ELP1: variants seen among roughly 807,000 people sequenced by gnomAD.
The protein encoded by ELP1 is elongator complex protein 1.
ELP1 carries 131 observed loss-of-function variants against 183.2 expected under a neutral mutation model. The observed-to-expected ratio is 0.72, with a 90% CI of 0.62 to 0.83. ELP1 has a LOEUF of 0.83. Among genes scored for constraint, ELP1 ranks in the 40% least tolerant of loss-of-function variants. ELP1 has a pLI of 0.00. For synonymous variants in ELP1, 555 were observed against 569.0 expected, an observed-to-expected ratio of 0.98 and a Z score of 0.35; for missense variants, 1,550 against 1,594.9, an observed-to-expected ratio of 0.97 and a Z score of 0.48.
Position 108,894,020 on chromosome 9 carries a change from T to G in ELP1, c.2783A>C (p.Glu928Ala). ...TATAGTAAACCGCTGATAATTAGTT[T>G]CCATTTTCTTAAGTGTATTAAGAAA... ...LPFLNTLKKM[E>A]TNYQRFTIDK... is the part of the protein sequence containing the mutation. Residue 928 changes from glutamate (E) to alanine (A), a missense_variant, in exon 26 of 37, where the codon GAA (glutamate) becomes GCA (alanine). Coordinates refer to ENST00000374647, the MANE Select transcript of ELP1 (RefSeq NM_003640.5). 1 of 1,585,390 alleles carries G rather than the reference T, an allele frequency of 6.3e-7. No homozygotes were observed. Among genetic ancestry groups the G allele is most frequent in the South Asian group, 1.1e-5 (1 of 90,390 alleles).
chr9:108,921,999 A>G (rs1175172716), intron 6 of ELP1, among the ~76,000 whole-genome samples: 1 of 152,168 alleles, frequency 6.6e-6, no homozygotes, highest in Non-Finnish European at 1.5e-5. Flanking sequence ...GAGGCTCAGA[A>G]ACATTAGGAA....
chr9:108,888,011 A>G (rs1389224908), intron 29 of ELP1, among the ~76,000 whole-genome samples: 1 of 152,232 alleles, frequency 6.6e-6, no homozygotes, highest in African/African-American at 2.4e-5. Flanking sequence ...CCCCAAACTG[A>G]AAACAATCCA....
intron 13 of ELP1, among the ~76,000 whole-genome samples, chr9:108,907,056 T>C (rs998311941): frequency 6.6e-6 from 1 of 152,150 alleles, no homozygotes; most frequent in Non-Finnish European, 1.5e-5. Flanking sequence ...ACTGAAGAAG[T>C]TGGTCACTAG....
intron 10 of ELP1, among the ~76,000 whole-genome samples, chr9:108,912,781 G>A (rs1262276618): frequency 7.3e-6 from 1 of 137,118 alleles, no homozygotes; most frequent in Non-Finnish European, 1.5e-5. Flanking sequence ...TTGACACAGA[G>A]TCTCGCTCTG....
intron 36 of ELP1, among the ~76,000 whole-genome samples, chr9:108,871,054 T>C (rs943849896): frequency 1.4e-5 from 2 of 147,318 alleles, no homozygotes; most frequent in African/African-American, 2.5e-5. Context: ...GCCTGTGAAG[T>C]CATGCACATC....
Position 108,878,083 on chromosome 9 carries a change from T to C in ELP1, c.3767A>G (p.Gln1256Arg), listed in dbSNP as rs766517046. Residue 1256 changes from glutamine to arginine, a missense_variant, in exon 35 of 37, where the codon CAG (glutamine) becomes CGG (arginine). By Grantham distance (43) the Gln-to-Arg change is conservative (BLOSUM62 1). Coordinates refer to ENST00000374647, the MANE Select transcript of ELP1 (RefSeq NM_003640.5). ...FEFDEQGREL[Q>R]KAFEDTLQLM... ...CTGCAGCGTATCTTCAAAGGCCTTC[T>C]GTAATTCCCTTCCTTGTTCATCAAA... The C allele has an allele frequency of 2.1e-5, 34 of 1,613,438 alleles. No individual in the cohort carries two copies. Among genetic ancestry groups the C allele is most frequent in the Non-Finnish European group, 2.7e-5 (32 of 1,179,308 alleles).
At chr9:108,871,026 T>A (rs1384405382) in intron 36 of ELP1, among the ~76,000 whole-genome samples, 1 of 149,514 alleles carries the variant, frequency 6.7e-6, no homozygotes, top group East Asian at 2.0e-4. Context: ...CATGATTTCC[T>A]TGATTGGCTG....
rs1373506536 is a variant in ELP1, at chr9:108,878,166, T to G, written c.3701-17A>C. The G allele has an allele frequency of 1.3e-6, 2 of 1,598,620 alleles. No homozygotes were observed. Among genetic ancestry groups the G allele is most frequent in the Admixed American group, 1.7e-5 (1 of 60,000 alleles). ...ATACTTCATCTAGAGAGAAGAAATT[T>G]GAAAGAGTGGTAAGTTATATTCCCA... On this transcript the variant is annotated splice_polypyrimidine_tract_variant and intron_variant, in intron 34 of 36. Coordinates refer to ENST00000374647, the MANE Select transcript of ELP1 (RefSeq NM_003640.5).
intron 10 of ELP1, among the ~76,000 whole-genome samples, chr9:108,914,905 T>G (rs908040330): frequency 6.6e-6 from 1 of 152,130 alleles, no homozygotes; most frequent in Non-Finnish European, 1.5e-5. Flanking sequence ...GCCCCCAAAG[T>G]GCATGAGCCA....
In ELP1 at chr9:108,927,350, G is replaced by A. The variant is rs375775191; in HGVS notation, c.385+22C>T. 1.1e-5 allele frequency: 17 copies of A among 1,586,106 alleles called. No homozygotes were observed. In the African/African-American group the frequency reaches 2.3e-4, roughly 21 times the overall value. ...GGAATAATGTTTTAAAAAAGCCAGT[G>A]AGGCACCAGTAACAAGCTTACCTGT... On this transcript the variant is annotated intron_variant, in intron 4 of 36. Transcript: ENST00000374647.
intron 15 of ELP1, 75 bp downstream of exon 15, chr9:108,903,488 G>T: frequency 9.8e-7 from 1 of 1,021,950 alleles, no homozygotes; most frequent in Non-Finnish European, 1.5e-6. Context: ...GAACTGACAA[G>T]ATACAAGTAC....
intron 14 of ELP1, among the ~76,000 whole-genome samples, chr9:108,905,611 T>C (rs1305698077): frequency 6.6e-6 from 1 of 152,180 alleles, no homozygotes; most frequent in Non-Finnish European, 1.5e-5. Context: ...AAACAAAGCA[T>C]ATATGTGCAA....
intron 5 of ELP1, among the ~76,000 whole-genome samples, 181 bp from the exon 6 acceptor site, chr9:108,923,108 G>C (rs1015311938): frequency 1.9e-4 from 29 of 152,240 alleles, no homozygotes; most frequent in Admixed American, 1.9e-3. Flanking sequence ...GGTGGCTCAT[G>C]CCTATAGTCC....
In ELP1 at chr9:108,929,912, C is replaced by A; in HGVS notation, c.160G>T (p.Glu54Ter). 1 of 1,613,670 alleles carries A rather than the reference C, an allele frequency of 6.2e-7. No homozygotes were observed. The highest frequency in any genetic ancestry group is 8.5e-7 in the Non-Finnish European group (1 of 1,180,024). ...AAGCCTTCTGCCACCAAAGAAACTT[C>A]ATTTTTCACCTTTCACCAAAGTAAA... ...VDPVSREVKN[E>*]VSLVAEGFLP... Residue 54 changes from glutamate to a stop codon, truncating the protein, a stop_gained, in exon 3 of 37, where the codon GAA (glutamate) becomes TAA (stop). Coordinates refer to ENST00000374647, the MANE Select transcript of ELP1 (RefSeq NM_003640.5). LOFTEE classifies it high-confidence loss of function.
At chr9:108,926,434 G>T in intron 5 of ELP1, 89 bp downstream of exon 5, 1 of 965,582 alleles carries the variant, frequency 1.0e-6, no homozygotes, top group Non-Finnish European at 1.6e-6. Flanking sequence ...CAGTTCTTTG[G>T]CCTAATGACA....
intron 8 of ELP1, 72 bp from the exon 9 acceptor site, chr9:108,917,742 T>G: frequency 6.6e-7 from 1 of 1,511,906 alleles, no homozygotes; most frequent in Admixed American, 1.7e-5. Context: ...TCCAGAAGAG[T>G]TTTTTTTCCA....
At chr9:108,895,742 A>G (rs1390070322) in intron 25 of ELP1, among the ~76,000 whole-genome samples, 1 of 152,188 alleles carries the variant, frequency 6.6e-6, no homozygotes, top group Admixed American at 6.5e-5. Flanking sequence ...CAAAAAAATA[A>G]ATAAAAAATA....
chr9:108,929,880 T>C lies in ELP1; in HGVS notation c.192A>G (p.Pro64=). 6.2e-7 allele frequency: 1 copy of C among 1,613,936 alleles called. No individual in the cohort carries two copies. The highest frequency in any genetic ancestry group is 8.5e-7 in the Non-Finnish European group (1 of 1,180,032). ...EVSLVAEGFL[P]EDGSGRIVGV... is the part of the protein sequence containing the mutation. ...CAACAATGCGGCCACTTCCATCCTC[T>C]GGGAGAAAGCCTTCTGCCACCAAAG... Residue 64 remains proline, a synonymous_variant, in exon 3 of 37, where the codon CCA becomes CCG. Transcript: ENST00000374647.
intron 29 of ELP1, among the ~76,000 whole-genome samples, chr9:108,884,904 A>G (rs1033412854): frequency 6.6e-6 from 1 of 151,978 alleles, no homozygotes; most frequent in Non-Finnish European, 1.5e-5. Flanking sequence ...AACTAGTAAC[A>G]CCCCATCTCT....
Sources: allele counts gnomAD v4.1 joint callset (sites outside exome capture counted in the v4.1 genomes callset), GRCh38; gene constraint gnomAD v4.1.1; transcripts MANE v1.5; gene names NCBI Gene and HGNC (gene_info 2026-07-23, HGNC 2026-07-21).